The following CR1L variants were observed in gnomAD, a reference collection of about 807,000 sequenced individuals.
CR1L encodes complement C3b/C4b receptor 1 like.
CR1L carries 59 observed loss-of-function variants against 62.3 expected under a neutral mutation model. That is an observed-to-expected ratio of 0.95 (90% CI 0.77 to 1.18). The LOEUF (loss-of-function observed/expected upper bound fraction) is 1.18. Ranked by LOEUF, CR1L falls within the 50% of genes most tolerant of loss-of-function variation. The pLI, the probability that CR1L is intolerant of heterozygous loss-of-function variation, is 0.00. For missense variants in CR1L, 700 were observed against 702.8 expected (o/e 1.00, Z 0.04); for synonymous variants, 279 against 248.7 (o/e 1.12, Z -1.15).
intron 1 of CR1L, among the ~76,000 whole-genome samples, chr1:207,648,204 C>G (rs1663164064): frequency 2.0e-5 from 1 of 49,442 alleles, no homozygotes; most frequent in Non-Finnish European, 4.4e-5. Context: ...CACACACACA[C>G]AGACACACAC....
chr1:207,679,153 ATTTTTT>A (rs34703217), intron 3 of CR1L, among the ~76,000 whole-genome samples: 17 of 90,302 alleles, frequency 1.9e-4, no homozygotes, highest in Non-Finnish European at 3.1e-4. Flanking sequence ...GCCCACCACC[ATTTTTT>A]TTTTTTTTTT....
At chr1:207,655,572 C>T (rs1663295004) in intron 1 of CR1L, among the ~76,000 whole-genome samples, 1 of 152,116 alleles carries the variant, frequency 6.6e-6, no homozygotes, top group South Asian at 2.1e-4. Context: ...TCCTGAGCAG[C>T]TGAGACTACA....
intron 11 of CR1L, among the ~76,000 whole-genome samples, chr1:207,720,521 T>C (rs1654111238): frequency 6.6e-6 from 1 of 152,132 alleles, no homozygotes; most frequent in Non-Finnish European, 1.5e-5. Flanking sequence ...CTTTGAGTAC[T>C]AGCATCAGAG....
chr1:207,650,103 G>A (rs1308361564), intron 1 of CR1L, among the ~76,000 whole-genome samples: 1 of 152,120 alleles, frequency 6.6e-6, no homozygotes, highest in African/African-American at 2.4e-5. Context: ...TCCAAGTAGA[G>A]CTGTGTGGGG....
intron 4 of CR1L, among the ~76,000 whole-genome samples, chr1:207,686,352 T>C (rs982815747): frequency 6.6e-6 from 1 of 151,796 alleles, no homozygotes; most frequent in Non-Finnish European, 1.5e-5. Flanking sequence ...GTGTTTACAG[T>C]AGGCTTTTTG....
intron 7 of CR1L, among the ~76,000 whole-genome samples, chr1:207,698,729 C>T (rs971467006): frequency 2.5e-4 from 38 of 152,328 alleles, no homozygotes; most frequent in Non-Finnish European, 5.9e-5. Context: ...CCCTTTTGAG[C>T]CTTCTTCACG....
At chr1:207,693,202 C>T (rs1347219345) in intron 4 of CR1L, among the ~76,000 whole-genome samples, 1 of 152,164 alleles carries the variant, frequency 6.6e-6, no homozygotes, top group African/African-American at 2.4e-5. Context: ...ACTGCAATCT[C>T]CACCTCCCAG....
At chr1:207,649,024 T>C (rs1663181217) in intron 1 of CR1L, among the ~76,000 whole-genome samples, 1 of 152,192 alleles carries the variant, frequency 6.6e-6, no homozygotes, top group Non-Finnish European at 1.5e-5. Flanking sequence ...GCCACATGGA[T>C]GAATGGAGTC....
intron 1 of CR1L, among the ~76,000 whole-genome samples, chr1:207,668,159 A>G (rs958076470): frequency 4.6e-5 from 7 of 151,084 alleles, no homozygotes; most frequent in Admixed American, 1.3e-4. Flanking sequence ...CAGCAATCCC[A>G]CTACTGGGTA....
chr1:207,663,077 G>T (rs1442862759), intron 1 of CR1L, among the ~76,000 whole-genome samples: 1 of 152,218 alleles, frequency 6.6e-6, no homozygotes, highest in Admixed American at 6.5e-5. Flanking sequence ...CTCCCAGTTA[G>T]GCTATTTGGG....
intron 11 of CR1L, 106 bp from the exon 12 acceptor site, chr1:207,723,512 C>G: frequency 1.1e-6 from 1 of 923,778 alleles, no homozygotes; most frequent in Non-Finnish European, 1.6e-6. Context: ...AAATATTAGT[C>G]TGAGTCCTGA....
At chr1:207,679,085 C>G (rs1212906389) in intron 3 of CR1L, among the ~76,000 whole-genome samples, 2 of 150,822 alleles carry the variant, frequency 1.3e-5, no homozygotes, top group East Asian at 3.9e-4. Flanking sequence ...CAAGCTCCAC[C>G]TCCCGGGTTC....
intron 1 of CR1L, among the ~76,000 whole-genome samples, chr1:207,662,995 C>A (rs1020747493): frequency 6.6e-6 from 1 of 152,180 alleles, no homozygotes; most frequent in African/African-American, 2.4e-5. Context: ...GCTGCCTGAT[C>A]TTCCTTTGGA....
intron 3 of CR1L, 138 bp from the exon 4 acceptor site, chr1:207,683,734 G>C (rs545430980): frequency 1.8e-5 from 12 of 664,242 alleles, no homozygotes; most frequent in Non-Finnish European, 2.8e-5. Flanking sequence ...TGAAATTTGG[G>C]AAGGTGATAG....
intron 4 of CR1L, among the ~76,000 whole-genome samples, chr1:207,694,095 C>G (rs1229043293): frequency 2.0e-5 from 3 of 152,120 alleles, no homozygotes; most frequent in Admixed American, 2.0e-4. Flanking sequence ...CTCTATAATA[C>G]TATAATCAAA....
intron 4 of CR1L, 177 bp downstream of exon 4, chr1:207,684,134 T>C (rs1663851878): frequency 2.0e-6 from 1 of 494,274 alleles, no homozygotes; most frequent in Non-Finnish European, 3.4e-6. Flanking sequence ...TTAAGTTCTT[T>C]CTTATCCTGG....
At chr1:207,666,362 G>C (rs149097303) in intron 1 of CR1L, among the ~76,000 whole-genome samples, 1 of 152,262 alleles carries the variant, frequency 6.6e-6, no homozygotes, top group African/African-American at 2.4e-5. Context: ...TCATAATTCT[G>C]ACCAGCCAGG....
At chr1:207,682,517 C>T (rs1040260811) in intron 3 of CR1L, among the ~76,000 whole-genome samples, 3 of 152,100 alleles carry the variant, frequency 2.0e-5, no homozygotes, top group African/African-American at 7.2e-5. Context: ...ATAATTACAA[C>T]ATAATAGCTA....
At position 207,697,665 on chromosome 1, in the gene CR1L, C is replaced by G. The variant is rs1438611800; in HGVS notation, c.1025C>G (p.Ala342Gly). ...CCCCAGGGAGACTGGAGCCCTGCAG[C>G]CCCCAGATGTGAAGGTGACTAGACT... Reference protein sequence around the residue: ...CTPQGDWSPAAPRCEVKSCDD... With the variant: ...CTPQGDWSPAGPRCEVKSCDD... The change falls in exon 6 of 12, where the codon GCC (alanine) becomes GGC (glycine). Residue 342 changes from alanine (A) to glycine (G), a missense_variant. Physicochemically the swap from Ala to Gly is moderately conservative, Grantham distance 60. Transcript: ENST00000508064. The G allele has an allele frequency of 1.2e-6, 2 of 1,613,982 alleles. No individual in the cohort carries two copies. Among genetic ancestry groups the G allele is most frequent in the Non-Finnish European group, 1.7e-6 (2 of 1,179,872 alleles).
Sources: allele counts gnomAD v4.1 joint callset (sites outside exome capture counted in the v4.1 genomes callset), GRCh38; gene constraint gnomAD v4.1.1; transcripts MANE v1.5; gene names NCBI Gene and HGNC (gene_info 2026-07-23, HGNC 2026-07-21).